The following RYR2 variants were observed in gnomAD, a reference collection of about 807,000 sequenced individuals.
The protein encoded by RYR2 is cardiac muscle ryanodine receptor-calcium release channel.
A neutral mutation model predicts 601.1 loss-of-function variants in RYR2; 227 were observed. That is an observed-to-expected ratio of 0.38 (90% CI 0.34 to 0.42). The LOEUF (loss-of-function observed/expected upper bound fraction) is 0.42, where lower values mean the gene tolerates loss of function less well. Among genes scored for constraint, RYR2 ranks in the 10% least tolerant of loss-of-function variants. RYR2 has a pLI of 1.00. For missense variants in RYR2, 4,646 were observed against 6,156.5 expected (o/e 0.75, Z 8.21); for synonymous variants, 2,223 against 2,175.1 (o/e 1.02, Z -0.61).
At chr1:237,295,873 A>G (rs1692723135) in intron 2 of RYR2, among the ~76,000 whole-genome samples, 1 of 143,956 alleles carries the variant, frequency 6.9e-6, no homozygotes, top group African/African-American at 2.4e-5. Flanking sequence ...TCATGGGGAC[A>G]GAGCAGAGAT....
intron 1 of RYR2, among the ~76,000 whole-genome samples, chr1:237,159,777 G>A (rs182883428): frequency 6.6e-6 from 1 of 152,096 alleles, no homozygotes; most frequent in Non-Finnish European, 1.5e-5. Flanking sequence ...CAATGCTTTG[G>A]GAAAGTTTCA....
chr1:237,071,725 T>G (rs912791492), intron 1 of RYR2, among the ~76,000 whole-genome samples: 1 of 152,182 alleles, frequency 6.6e-6, no homozygotes, highest in African/African-American at 2.4e-5. Context: ...CCTTCCTGCC[T>G]AGGAACCTGT....
chr1:237,667,798 CT>C, intron 57 of RYR2, 84 bp from the exon 58 acceptor site: 1 of 998,634 alleles, frequency 1.0e-6, no homozygotes, highest in South Asian at 1.5e-5. Context: ...TGAGTTATTC[CT>C]TTACGGTATC....
intron 2 of RYR2, among the ~76,000 whole-genome samples, chr1:237,327,193 G>T (rs189910534): frequency 6.6e-6 from 1 of 151,804 alleles, no homozygotes; most frequent in East Asian, 1.9e-4. Flanking sequence ...TATTACATTT[G>T]TGTGTGTAGG....
At position 237,639,015 on chromosome 1, in the gene RYR2, G is replaced by A. The variant is rs1681169798; in HGVS notation, c.6929G>A (p.Gly2310Glu). 6.2e-7 allele frequency: 1 copy of A among 1,613,362 alleles called. No individual in the cohort carries two copies. The highest frequency in any genetic ancestry group is 2.2e-5 in the East Asian group (1 of 44,864). Residue 2310 changes from glycine to glutamate, a missense_variant and splice_region_variant, in exon 46 of 105, where the codon GGG (glycine) becomes GAG (glutamate). Gly to Glu is a moderately conservative substitution (Grantham distance 98). Around this residue, in one of 17 missense-constraint regions of RYR2, gnomAD observed 137 missense variants for 273.6 expected, o/e 0.50. Transcript: ENST00000366574. ...DFLRFAVFCN[G>E]ESVEENANVV... ...ACTTATCTTCCCCATTCTACTTTAGGGGAGAGTGTGGAGGAAAATGCAAAT... is the reference window on the plus strand; with the variant it reads ...ACTTATCTTCCCCATTCTACTTTAGAGGAGAGTGTGGAGGAAAATGCAAAT...
intron 1 of RYR2, among the ~76,000 whole-genome samples, chr1:237,115,936 T>G (rs1032680944): frequency 5.9e-5 from 9 of 152,232 alleles, no homozygotes; most frequent in Admixed American, 5.2e-4. Context: ...ACATTTCTTG[T>G]GTTTTCTTAT....
Position 237,387,319 on chromosome 1 carries a change from C to T in RYR2, c.615C>T (p.Ala205=), listed in dbSNP as rs112680790. 192 of 1,613,982 alleles carry T rather than the reference C, an allele frequency of 1.2e-4. No individual in the cohort carries two copies. The African/African-American group carries it at 2.0e-3, about 16-fold the overall frequency. ...GCAACGGCAGCTTACACGTGGATGCCGCTTTCCAGCAGACTCTCTGGAGCG... is the reference window on the plus strand; with the variant it reads ...GCAACGGCAGCTTACACGTGGATGCTGCTTTCCAGCAGACTCTCTGGAGCG... ...SYGNGSLHVD[A]AFQQTLWSVA... Residue 205 remains alanine (A), a synonymous_variant, in exon 9 of 105, where the codon GCC becomes GCT. Transcript: ENST00000366574.
chr1:237,495,712 C>A (rs893667444), intron 19 of RYR2, among the ~76,000 whole-genome samples: 2 of 152,100 alleles, frequency 1.3e-5, no homozygotes, highest in Non-Finnish European at 2.9e-5. Flanking sequence ...GCATAATGAA[C>A]AACAAAGCTT....
At chr1:237,081,279 A>AT (rs5781932) in intron 1 of RYR2, among the ~76,000 whole-genome samples, 56,267 of 105,670 alleles carry the variant, frequency 0.53, 16,578 homozygotes, top group Non-Finnish European at 0.69. Flanking sequence ...TTAGAGTATA[A>AT]TAAAAAAAAA....
intron 2 of RYR2, among the ~76,000 whole-genome samples, chr1:237,327,912 G>A (rs75755872): frequency 0.038 from 5,792 of 152,180 alleles, 253 homozygotes; most frequent in African/African-American, 0.11. Context: ...TTGCTTAGGT[G>A]GTCTGTGTAT....
intron 22 of RYR2, among the ~76,000 whole-genome samples, chr1:237,504,971 A>G (rs999263386): frequency 1.3e-5 from 2 of 152,196 alleles, no homozygotes; most frequent in Non-Finnish European, 2.9e-5. Context: ...GAATATAGAG[A>G]AAGATGAGGA....
chr1:237,295,334 T>G (rs1200259672), intron 2 of RYR2, among the ~76,000 whole-genome samples: 1 of 151,982 alleles, frequency 6.6e-6, no homozygotes, highest in African/African-American at 2.4e-5. Flanking sequence ...TTGCAGTAAT[T>G]TTGATCATAA....
intron 29 of RYR2, among the ~76,000 whole-genome samples, chr1:237,585,165 A>C (rs549912403): frequency 1.3e-3 from 194 of 152,302 alleles, no homozygotes; most frequent in African/African-American, 4.5e-3. Flanking sequence ...CATGAAACCT[A>C]AAATGTCTTC....
intron 1 of RYR2, among the ~76,000 whole-genome samples, chr1:237,199,604 C>T (rs1680955766): frequency 6.6e-6 from 1 of 152,188 alleles, no homozygotes; most frequent in African/African-American, 2.4e-5. Flanking sequence ...TCCACTGACT[C>T]AGTGTTAATC....
At chr1:237,798,776 TCACACA>T (rs72164792) in intron 97 of RYR2, among the ~76,000 whole-genome samples, 80 of 135,330 alleles carry the variant, frequency 5.9e-4, no homozygotes, top group South Asian at 1.3e-3. Flanking sequence ...AATTTAAATG[TCACACA>T]CACACACACA....
In RYR2 at chr1:237,456,662, C is replaced by T. The variant is rs1303496576; in HGVS notation, c.1539C>T (p.His513=). The T allele has an allele frequency of 1.3e-5, 21 of 1,613,406 alleles. No homozygotes were observed. Among genetic ancestry groups the T allele is most frequent in the Non-Finnish European group, 1.8e-5 (21 of 1,179,626 alleles). ...TGCACGTCTACAGCAGTGCAGCACA[C>T]TTTGCTGATGTTGCTGGGCGAGAAG... The part of the protein sequence containing the change: ...DRLHVYSSAA[H]FADVAGREAG... Residue 513 remains histidine (H), a synonymous_variant, in exon 16 of 105, where the codon CAC becomes CAT. Coordinates refer to ENST00000366574, the MANE Select transcript of RYR2 (RefSeq NM_001035.3).
At chr1:237,072,238 T>C (rs1459407799) in intron 1 of RYR2, among the ~76,000 whole-genome samples, 1 of 152,182 alleles carries the variant, frequency 6.6e-6, no homozygotes, top group Non-Finnish European at 1.5e-5. Context: ...GCAGCTGGCA[T>C]CCCCACAGTG....
chr1:237,071,025 C>T (rs1249295422), intron 1 of RYR2, among the ~76,000 whole-genome samples: 1 of 152,216 alleles, frequency 6.6e-6, no homozygotes, highest in African/African-American at 2.4e-5. Context: ...TGTTACAACT[C>T]TTTCGGTCCT....
chr1:237,651,425 C>G lies in RYR2; in HGVS notation c.7748C>G (p.Ser2583Cys). Residue 2583 changes from serine (S) to cysteine (C), a missense_variant, in exon 51 of 105, where the codon TCT (serine) becomes TGT (cysteine). Transcript: ENST00000366574. ...TGTTCCAACAGACAACTGAGACCTT[C>G]TATGATGCAGCACTTACTCAGAAGA... ...LLSICGQLRP[S>C]MMQHLLRRLV... The G allele has an allele frequency of 6.3e-7, 1 of 1,594,874 alleles. No homozygotes were observed. The highest frequency in any genetic ancestry group is 8.6e-7 in the Non-Finnish European group (1 of 1,169,472).
Sources: allele counts gnomAD v4.1 joint callset (sites outside exome capture counted in the v4.1 genomes callset), GRCh38; gene constraint gnomAD v4.1.1; regional missense constraint gnomAD v4.1.1; transcripts MANE v1.5; gene names NCBI Gene and HGNC (gene_info 2026-07-23, HGNC 2026-07-21).